Variants in GRIK3 observed in about 807,000 individuals in gnomAD.
GRIK3 encodes the protein glutamate ionotropic receptor kainate type subunit 3.
A neutral mutation model predicts 102.5 loss-of-function variants in GRIK3; 29 were observed. That is an observed-to-expected ratio of 0.28 (90% CI 0.21 to 0.39). The LOEUF is 0.39. Ranked by LOEUF, GRIK3 falls within the 10% of genes least tolerant of loss-of-function variation. The pLI, the probability that GRIK3 is intolerant of heterozygous loss-of-function variation, is 1.00. For synonymous variants in GRIK3, 511 were observed against 504.9 expected (o/e 1.01, Z -0.16); for missense variants, 908 against 1,252.4 (o/e 0.73, Z 4.15).
chr1:36,992,023 G>T (rs547319530), intron 1 of GRIK3, among the ~76,000 whole-genome samples: 1 of 152,166 alleles, frequency 6.6e-6, no homozygotes, highest in Non-Finnish European at 1.5e-5. Context: ...AAGAGGACCT[G>T]GGGGGTGGTT....
intron 1 of GRIK3, among the ~76,000 whole-genome samples, chr1:37,002,298 T>C (rs1642486237): frequency 6.6e-6 from 1 of 152,226 alleles, no homozygotes; most frequent in South Asian, 2.1e-4. Context: ...AGAAGCCTGA[T>C]GATGGCTGCT....
rs1454723325 is a variant in GRIK3, at chr1:36,798,837, C to T, written c.*3014G>A. 2 of 152,234 alleles carry T rather than the reference C, an allele frequency of 1.3e-5. No homozygotes were observed. The highest frequency in any genetic ancestry group is 1.9e-4 in the East Asian group (1 of 5,202). 9.4% of individuals were successfully genotyped at this position (152,234 alleles called of 1,614,324 possible). The stretch of plus-strand genomic sequence containing the variant: ...TCCACACAGGAGTCTAAAGACCAGT[C>T]GGTACATTTTGGGGGGTTTCTCGAA... On this transcript the variant is annotated 3_prime_UTR_variant, in exon 16 of 16. Coordinates refer to ENST00000373091, the MANE Select transcript of GRIK3 (RefSeq NM_000831.4).
At position 36,832,278 on chromosome 1, in the gene GRIK3, T is replaced by C. The variant is rs115555813; in HGVS notation, c.1531-6452A>G. ...ACAGTGTCTGGCACATAGTAGGCCT[T>C]TCATAGAGACTCTGGGAATGAATGA... On this transcript the variant is annotated intron_variant, in intron 10 of 15. Transcript: ENST00000373091. Among the ~76,000 whole-genome samples the C allele has an allele frequency of 4.4e-3, 675 of 152,320 alleles. 7 individuals are homozygous for C. The highest frequency in any genetic ancestry group is 3.3e-3 in the Non-Finnish European group (227 of 68,028).
chr1:36,884,137 G>A (rs933779472), intron 2 of GRIK3, among the ~76,000 whole-genome samples: 14 of 152,146 alleles, frequency 9.2e-5, no homozygotes, highest in African/African-American at 3.4e-4. Context: ...ACATACAACG[G>A]GGGCATGGCA....
intron 1 of GRIK3, among the ~76,000 whole-genome samples, chr1:36,984,504 T>C (rs969177102): frequency 1.3e-5 from 2 of 152,192 alleles, no homozygotes; most frequent in Admixed American, 1.3e-4. Context: ...AATGGCTCCT[T>C]CCTGCTTACC....
chr1:36,982,769 A>G (rs1642263172), intron 1 of GRIK3, among the ~76,000 whole-genome samples: 1 of 136,796 alleles, frequency 7.3e-6, no homozygotes, highest in Non-Finnish European at 1.5e-5. Context: ...TGGAGGGGTC[A>G]GGAACAGAGC....
chr1:37,022,555 A>T (rs1642726204), intron 1 of GRIK3, among the ~76,000 whole-genome samples: 1 of 152,230 alleles, frequency 6.6e-6, no homozygotes. Flanking sequence ...CTCTGCCCAA[A>T]AGACTAAATC....
At chr1:37,029,953 C>T (rs918120629) in intron 1 of GRIK3, among the ~76,000 whole-genome samples, 1 of 152,216 alleles carries the variant, frequency 6.6e-6, no homozygotes, top group African/African-American at 2.4e-5. Context: ...GGCCAGGGTG[C>T]CTGGCTCACC....
intron 5 of GRIK3, among the ~76,000 whole-genome samples, chr1:36,861,521 T>C (rs1640725345): frequency 6.6e-6 from 1 of 152,162 alleles, no homozygotes; most frequent in Admixed American, 6.5e-5. Flanking sequence ...ATGGGGAACA[T>C]CCAGCCCCAT....
At chr1:36,950,858 C>T (rs780748546) in intron 1 of GRIK3, among the ~76,000 whole-genome samples, 4 of 152,232 alleles carry the variant, frequency 2.6e-5, no homozygotes, top group Non-Finnish European at 5.9e-5. Context: ...TCTACACTCA[C>T]TCCCCTGGGA....
chr1:36,919,698 T>G (rs1003991291), intron 1 of GRIK3, among the ~76,000 whole-genome samples: 5 of 152,354 alleles, frequency 3.3e-5, no homozygotes, highest in African/African-American at 1.2e-4. Flanking sequence ...AGCACTGCTG[T>G]GCCCGGCTGT....
At chr1:36,826,602 A>T (rs1296012811) in intron 10 of GRIK3, among the ~76,000 whole-genome samples, 2 of 151,302 alleles carry the variant, frequency 1.3e-5, no homozygotes, top group Non-Finnish European at 2.9e-5. Context: ...TGAGGCTGGG[A>T]GGTAGAGGCT....
intron 1 of GRIK3, among the ~76,000 whole-genome samples, chr1:36,974,929 G>A (rs1045536328): frequency 6.6e-6 from 1 of 152,112 alleles, no homozygotes; most frequent in South Asian, 2.1e-4. Flanking sequence ...CCACCTATAT[G>A]AGGTACCTAG....
intron 1 of GRIK3, among the ~76,000 whole-genome samples, chr1:36,979,050 T>C (rs1642222225): frequency 6.6e-6 from 1 of 152,254 alleles, no homozygotes; most frequent in South Asian, 2.1e-4. Flanking sequence ...CCATGCTCAG[T>C]TGCTACCTTA....
At chr1:37,031,906 G>C (rs1642832303) in intron 1 of GRIK3, among the ~76,000 whole-genome samples, 1 of 152,206 alleles carries the variant, frequency 6.6e-6, no homozygotes, top group Non-Finnish European at 1.5e-5. Flanking sequence ...AGGCCTCAGA[G>C]TCCTCCCATC....
At position 36,996,671 on chromosome 1, in the gene GRIK3, C is replaced by T. The variant is rs541805216; in HGVS notation, c.115+37323G>A. On this transcript the variant is annotated intron_variant, in intron 1 of 15. Transcript: ENST00000373091. ...GTCTGTGGCCTCTACCTGTCAGCTT[C>T]CCCACCGGGCGCTTTCCTCATTCCT... 2.0e-5 allele frequency among the ~76,000 whole-genome samples: 3 copies of T among 152,274 alleles called. No individual in the cohort carries two copies. The South Asian group carries it at 6.2e-4, about 32-fold the overall frequency.
intron 1 of GRIK3, among the ~76,000 whole-genome samples, chr1:36,895,855 C>T: frequency 6.6e-6 from 1 of 150,646 alleles, no homozygotes; most frequent in South Asian, 2.1e-4. Context: ...AATCAAAGAT[C>T]AAGAAAAAAA....
chr1:36,831,000 C>T (rs1327445157), intron 10 of GRIK3, among the ~76,000 whole-genome samples: 2 of 152,118 alleles, frequency 1.3e-5, no homozygotes, highest in African/African-American at 4.8e-5. Context: ...AAGGAACCAG[C>T]CCTGCTGACA....
chr1:36,819,820 AG>A lies in GRIK3; in HGVS notation c.1788del (p.Cys597AlafsTer25). On this transcript the variant is annotated frameshift_variant, in exon 12 of 16. Transcript: ENST00000373091. LOFTEE classifies it high-confidence loss of function. This position sits in a 1 kb window ranked among gnomAD's most constrained non-coding sequence, Gnocchi z 4.1. ...FSPYEWYDAHPCNPGSEVVEN... is the reference protein window; with the variant it reads ...FSPYEWYDAHXCNPGSEVVEN... ...TCCACCACCTCGGAGCCAGGGTTGC[AG>A]GGGTGAGCATCGTACCACTCATAAG... The A allele has an allele frequency of 6.3e-7, 1 of 1,595,126 alleles. No homozygotes were observed. The highest frequency in any genetic ancestry group is 1.1e-5 in the South Asian group (1 of 88,490).
Sources: gnomAD v4.1 joint callset for allele counts (sites outside exome capture counted in the v4.1 genomes callset) on GRCh38, gnomAD v4.1.1 for gene constraint, Gnocchi (gnomAD v3.1) non-coding constraint, MANE v1.5 for transcripts, NCBI Gene and HGNC (gene_info 2026-07-23, HGNC 2026-07-21) for gene names.